The following PCDHGA5 variants were observed in gnomAD, a reference collection of about 807,000 sequenced individuals.
The protein encoded by PCDHGA5 is protocadherin gamma-A5.
Under a neutral mutation model 56.7 loss-of-function variants are expected in PCDHGA5, and 36 were observed. That is an observed-to-expected ratio of 0.64 (90% CI 0.49 to 0.84). PCDHGA5 has a LOEUF of 0.84. Ranked by LOEUF, PCDHGA5 falls within the 40% of genes least tolerant of loss-of-function variation. PCDHGA5 has a pLI of 0.00. For missense variants in PCDHGA5, 1,305 were observed against 1,201.5 expected, an observed-to-expected ratio of 1.09 and a Z score of -1.27; for synonymous variants, 563 against 520.2, an observed-to-expected ratio of 1.08 and a Z score of -1.12.
At chr5:141,383,870 G>A in intron 1 of PCDHGA5, 1 of 1,613,960 alleles carries the variant, frequency 6.2e-7, no homozygotes, top group Non-Finnish European at 8.5e-7. Context: ...GCTCAAGATG[G>A]TCCTGGTAGT....
Position 141,491,245 on chromosome 5 carries a change from G to A in PCDHGA5, c.2422-3562G>A, listed in dbSNP as rs1171588507. ...CACAGTGCTGCTGGTTCTGGAGGATGAGGACCCTGAGGAAATGCCCAAATC... is the reference window on the plus strand; with the variant it reads ...CACAGTGCTGCTGGTTCTGGAGGATAAGGACCCTGAGGAAATGCCCAAATC... On this transcript the variant is annotated intron_variant, in intron 1 of 3. Transcript: ENST00000518069. The surrounding 1 kb of genome is among the most constrained non-coding windows in gnomAD (Gnocchi z 6.9). 2 of 1,614,086 alleles carry A rather than the reference G, an allele frequency of 1.2e-6. No individual in the cohort carries two copies. Among genetic ancestry groups the A allele is most frequent in the East Asian group, 4.5e-5 (2 of 44,888 alleles).
intron 1 of PCDHGA5, chr5:141,388,882 T>C (rs1038312572): frequency 6.2e-7 from 1 of 1,613,800 alleles, no homozygotes; most frequent in Non-Finnish European, 8.5e-7. Context: ...ACAGTGGAGG[T>C]AGAAGTCATA....
chr5:141,375,017 T>TC lies in PCDHGA5; in HGVS notation c.2421+8267dup, dbSNP rs772354381. The TC allele has an allele frequency of 6.2e-6, 10 of 1,614,032 alleles. No individual in the cohort carries two copies. The South Asian group carries it at 1.1e-4, about 18-fold the overall frequency. The stretch of plus-strand genomic sequence containing the variant: ...TTCTGCAAATCTAGACTATGAGGAC[T>TC]CGAGTTTTTATGAGCTGGGTGTTGA... On this transcript the variant is annotated intron_variant, in intron 1 of 3. Transcript: ENST00000518069.
chr5:141,383,970 T>A (rs754557705), intron 1 of PCDHGA5: 1 of 1,613,730 alleles, frequency 6.2e-7, no homozygotes, highest in Admixed American at 1.7e-5. Context: ...GCTCAATCCC[T>A]GAAGACACAC....
In PCDHGA5 at chr5:141,486,585, GGGA is replaced by G; in HGVS notation, c.2422-8221_2422-8219del. The G allele has an allele frequency of 6.2e-7, 1 of 1,613,708 alleles. No individual in the cohort carries two copies. Among genetic ancestry groups the G allele is most frequent in the Non-Finnish European group, 8.5e-7 (1 of 1,180,024 alleles). On this transcript the variant is annotated intron_variant, in intron 1 of 3. Transcript: ENST00000518069. This position sits in a 1 kb window ranked among gnomAD's most constrained non-coding sequence, Gnocchi z 5.0. ...TTTGTTCCTGAGAACAATCGCCCAG[GGGA>G]CCTGCTTTGCTCCCTTGCAGCCTCT...
chr5:141,431,397 C>A lies in PCDHGA5; in HGVS notation c.2422-63410C>A. ...AAGGCTGCTCACCACCTGGTCCTTA[C>A]GGCCTCCGACGGGGGCGACCCGGTG... On this transcript the variant is annotated intron_variant, in intron 1 of 3. Coordinates refer to ENST00000518069, the MANE Select transcript of PCDHGA5 (RefSeq NM_018918.3). The surrounding 1 kb of genome is among the most constrained non-coding windows in gnomAD (Gnocchi z 4.8). 3.1e-6 allele frequency: 5 copies of A among 1,613,782 alleles called. No individual in the cohort carries two copies. Among genetic ancestry groups the A allele is most frequent in the Non-Finnish European group, 4.2e-6 (5 of 1,180,034 alleles).
Position 141,427,801 on chromosome 5 carries a change from G to T in PCDHGA5, c.2421+61050G>T, listed in dbSNP as rs755067099. On this transcript the variant is annotated intron_variant, in intron 1 of 3. Coordinates refer to ENST00000518069, the MANE Select transcript of PCDHGA5 (RefSeq NM_018918.3). ...GCACTGTCGTCCTACGTGTCCGTGA[G>T]CGCACAGAGCGGGGTGGTGGTCGCG... 6 of 1,510,138 alleles carry T rather than the reference G, an allele frequency of 4.0e-6. No homozygotes were observed. In the African/African-American group the frequency reaches 8.2e-5, roughly 21 times the overall value. 93.5% of individuals were successfully genotyped at this position (1,510,138 alleles called of 1,614,324 possible). A position where few individuals can be genotyped will look rare whatever the true frequency, so the allele number is the denominator to read the frequency against.
At chr5:141,410,839 T>G in intron 1 of PCDHGA5, 2 of 481,442 alleles carry the variant, frequency 4.2e-6, no homozygotes, top group Non-Finnish European at 6.8e-6. Context: ...TGAAGATATT[T>G]TGTCTTTGTC....
chr5:141,399,649 G>A (rs1325160100), intron 1 of PCDHGA5: 2 of 1,613,794 alleles, frequency 1.2e-6, no homozygotes, highest in East Asian at 2.2e-5. Flanking sequence ...CGCGCAAAGT[G>A]GGGTGGTGTT....
chr5:141,414,473 G>C lies in PCDHGA5; in HGVS notation c.2421+47722G>C, dbSNP rs371832510. 50 of 1,613,790 alleles carry C rather than the reference G, an allele frequency of 3.1e-5. No individual in the cohort carries two copies. The highest frequency in any genetic ancestry group is 4.1e-5 in the Non-Finnish European group (48 of 1,179,892). Reference sequence around the variant, plus strand: ...ACAGTGACAGCCACAGATGGGGGAAGTCCTCCTCTATCAACGGAAGCTCAC... The same window carrying C: ...ACAGTGACAGCCACAGATGGGGGAACTCCTCCTCTATCAACGGAAGCTCAC... On this transcript the variant is annotated intron_variant, in intron 1 of 3. Transcript: ENST00000518069.
intron 1 of PCDHGA5, chr5:141,394,595 G>A: frequency 6.2e-7 from 1 of 1,613,740 alleles, no homozygotes; most frequent in Non-Finnish European, 8.5e-7. Flanking sequence ...TGGTGGCGGT[G>A]GACAGAGACT....
At chr5:141,426,788 T>C (rs2096960035) in intron 1 of PCDHGA5, 1 of 456,568 alleles carries the variant, frequency 2.2e-6, no homozygotes, top group African/African-American at 2.0e-5. Context: ...CTCTCCAGAG[T>C]TACCAGCTCA....
intron 1 of PCDHGA5, among the ~76,000 whole-genome samples, chr5:141,483,557 G>A (rs141633312): frequency 4.5e-4 from 69 of 152,276 alleles, no homozygotes; most frequent in Admixed American, 1.9e-3. Context: ...GCCATTCACA[G>A]AGACAGTGAA....
rs183968443 is a variant in PCDHGA5 at position 141,495,033 on chromosome 5, G to A, written c.2480+168G>A. On this transcript the variant is annotated intron_variant, in intron 2 of 3. Coordinates refer to ENST00000518069, the MANE Select transcript of PCDHGA5 (RefSeq NM_018918.3). ...GGGGCTGGCACACAGACCCCGGAAG[G>A]AAGAGGCGACTGCCCTGACTGTTCA... is the stretch of plus-strand genomic sequence containing the variant. 1.4e-3 allele frequency: 1,380 copies of A among 968,234 alleles called. 4 individuals are homozygous for A. Among genetic ancestry groups the A allele is most frequent in the Middle Eastern group, 5.3e-3 (10 of 1,888 alleles). 60.0% of individuals were successfully genotyped at this position (968,234 alleles called of 1,614,324 possible).
intron 1 of PCDHGA5, chr5:141,396,593 C>T (rs940440050): frequency 6.0e-5 from 9 of 151,044 alleles, no homozygotes; most frequent in Non-Finnish European, 1.2e-4. Flanking sequence ...GCACTCCAGC[C>T]TGGGCAACAG....
At chr5:141,372,708 G>T in intron 1 of PCDHGA5, 1 of 1,613,898 alleles carries the variant, frequency 6.2e-7, no homozygotes, top group Non-Finnish European at 8.5e-7. Context: ...CAATATAAAG[G>T]CTGAAAATGC....
At chr5:141,405,004 G>A in intron 1 of PCDHGA5, 1 of 1,613,960 alleles carries the variant, frequency 6.2e-7, no homozygotes, top group South Asian at 1.1e-5. Flanking sequence ...CTGCAGACCT[G>A]GAGGCCTCAG....
chr5:141,453,052 G>A (rs1299518260), intron 1 of PCDHGA5, among the ~76,000 whole-genome samples: 2 of 152,062 alleles, frequency 1.3e-5, no homozygotes, highest in East Asian at 3.9e-4. Flanking sequence ...ATTATGTGCA[G>A]TTTTAGAGTT....
At chr5:141,408,643 C>T (rs751905674) in intron 1 of PCDHGA5, 3 of 1,613,910 alleles carry the variant, frequency 1.9e-6, no homozygotes, top group Non-Finnish European at 1.7e-6. Context: ...AATCTGCATC[C>T]GCTGGTACAC....
Sources: allele counts gnomAD v4.1 joint callset (sites outside exome capture counted in the v4.1 genomes callset), GRCh38; gene constraint gnomAD v4.1.1; non-coding constraint Gnocchi (gnomAD v3.1); transcripts MANE v1.5; gene names NCBI Gene and HGNC (gene_info 2026-07-23, HGNC 2026-07-21).